SLC25A12: variants seen among roughly 807,000 people sequenced by gnomAD.
The protein encoded by SLC25A12 is electrogenic aspartate/glutamate antiporter SLC25A12, mitochondrial.
A neutral mutation model predicts 83.3 loss-of-function variants in SLC25A12; 32 were observed. That is an observed-to-expected ratio of 0.38 (90% CI 0.29 to 0.52). The LOEUF (loss-of-function observed/expected upper bound fraction) is 0.52, where lower values mean the gene tolerates loss of function less well. Among genes scored for constraint, SLC25A12 ranks in the 20% least tolerant of loss-of-function variants. The probability of loss-of-function intolerance (pLI) is 0.84; values close to 1 mark genes in which losing one functional copy is unlikely to be tolerated. For missense variants in SLC25A12, 611 were observed against 835.6 expected (o/e 0.73, Z 3.31); for synonymous variants, 267 against 291.1 (o/e 0.92, Z 0.84).
At chr2:171,854,063 T>TA (rs1684992818) in intron 4 of SLC25A12, among the ~76,000 whole-genome samples, 1 of 152,222 alleles carries the variant, frequency 6.6e-6, no homozygotes, top group African/African-American at 2.4e-5. Context: ...ATTTGTGAGA[T>TA]ATGTGAGCAT....
rs540936230 is a variant in SLC25A12 at position 171,792,610 on chromosome 2, A to T, written c.1446+1017T>A. Among the ~76,000 whole-genome samples the T allele has an allele frequency of 1.3e-4, 20 of 151,898 alleles. No homozygotes were observed. The South Asian group carries it at 3.7e-3, about 28-fold the overall frequency. The stretch of plus-strand genomic sequence containing the variant: ...CAGTGCTCCCAGCCCTGGCTTTTTT[A>T]AAAAAAGACAAACTCAAACATTGAA... On this transcript the variant is annotated intron_variant, in intron 14 of 17. Transcript: ENST00000422440.
chr2:171,866,406 C>A (rs1336627776), intron 3 of SLC25A12, among the ~76,000 whole-genome samples: 2 of 143,644 alleles, frequency 1.4e-5, no homozygotes, highest in African/African-American at 5.2e-5. Context: ...CCAGTAGGGG[C>A]GGCCGGGCAG....
At chr2:171,803,446 A>T (rs898180304) in intron 13 of SLC25A12, among the ~76,000 whole-genome samples, 6 of 152,236 alleles carry the variant, frequency 3.9e-5, no homozygotes, top group Admixed American at 3.3e-4. Context: ...GTAACCAAAA[A>T]ACAATCCAAT....
intron 3 of SLC25A12, among the ~76,000 whole-genome samples, chr2:171,867,560 G>C (rs1187474990): frequency 6.6e-6 from 1 of 152,184 alleles, no homozygotes; most frequent in Non-Finnish European, 1.5e-5. Context: ...GCAGTGAGCC[G>C]AGATGGCAGC....
chr2:171,868,286 C>T (rs1002250724), intron 3 of SLC25A12, among the ~76,000 whole-genome samples: 5 of 150,314 alleles, frequency 3.3e-5, no homozygotes, highest in Non-Finnish European at 7.4e-5. Flanking sequence ...TCTAGATACC[C>T]GTAGGTAAGT....
At chr2:171,813,272 G>A in intron 11 of SLC25A12, 67 bp downstream of exon 11, 1 of 1,545,434 alleles carries the variant, frequency 6.5e-7, no homozygotes. Context: ...TCCATAATTA[G>A]TGAGTTAAAA....
rs781256888 is a variant in SLC25A12 at position 171,791,496 on chromosome 2, C to A, written c.1540G>T (p.Gly514Ter). 6.2e-7 allele frequency: 1 copy of A among 1,614,000 alleles called. No homozygotes were observed. Among genetic ancestry groups the A allele is most frequent in the Non-Finnish European group, 8.5e-7 (1 of 1,179,934 alleles). Residue 514 changes from glycine (G) to a stop codon, truncating the protein, a stop_gained, in exon 15 of 18, where the codon GGA becomes TGA. Transcript: ENST00000422440. LOFTEE classifies it high-confidence loss of function. ...HCKLLLADEN[G>*]HVGGLNLLAA... ...AGAAGATTTAAACCTCCCACGTGTCCATTTTCATCAGCCAGAAGTAGTTTG... is the reference window on the plus strand; with the variant it reads ...AGAAGATTTAAACCTCCCACGTGTCAATTTTCATCAGCCAGAAGTAGTTTG...
intron 13 of SLC25A12, among the ~76,000 whole-genome samples, chr2:171,796,780 C>T (rs1364501360): frequency 6.6e-6 from 1 of 152,102 alleles, no homozygotes; most frequent in Non-Finnish European, 1.5e-5. Flanking sequence ...TACTTTTGTA[C>T]CAACGTAATA....
At chr2:171,869,286 T>C (rs374947651) in intron 2 of SLC25A12, among the ~76,000 whole-genome samples, 1 of 152,240 alleles carries the variant, frequency 6.6e-6, no homozygotes, top group Non-Finnish European at 1.5e-5. Flanking sequence ...AAATATACTT[T>C]TTTAAAAAAC....
At chr2:171,865,055 GCTTTC>G (rs1347916522) in intron 3 of SLC25A12, among the ~76,000 whole-genome samples, 3 of 152,066 alleles carry the variant, frequency 2.0e-5, no homozygotes, top group Non-Finnish European at 4.4e-5. Flanking sequence ...AGTACTTACA[GCTTTC>G]TAACATACCA....
chr2:171,791,695 G>GGC, intron 14 of SLC25A12, 106 bp from the exon 15 acceptor site: 2 of 1,066,616 alleles, frequency 1.9e-6, no homozygotes, highest in Non-Finnish European at 2.9e-6. Context: ...GTGTCCCTCA[G>GGC]TGACAAGCCT....
Position 171,843,396 on chromosome 2 carries a change from G to T in SLC25A12, c.465+973C>A, listed in dbSNP as rs530625654. Among the ~76,000 whole-genome samples, 4 of 146,450 alleles carry T rather than the reference G, an allele frequency of 2.7e-5. No individual in the cohort carries two copies. In the South Asian group the frequency reaches 8.9e-4, roughly 33 times the overall value. On this transcript the variant is annotated intron_variant, in intron 5 of 17. Coordinates refer to ENST00000422440, the MANE Select transcript of SLC25A12 (RefSeq NM_003705.5). ...CTCCTGTAATCCCAGCACTTTGGGT[G>T]GTCAAGGCAGGCAGATCACTTGAGG...
chr2:171,875,486 G>A (rs1442669785), intron 2 of SLC25A12, among the ~76,000 whole-genome samples: 4 of 152,030 alleles, frequency 2.6e-5, no homozygotes, highest in African/African-American at 4.8e-5. Flanking sequence ...TAGATACTGG[G>A]GACTATTAGA....
At position 171,815,004 on chromosome 2, in the gene SLC25A12, G is replaced by A. The variant is rs1684020672; in HGVS notation, c.1012+117C>T. ...GTAAAAATAAAGAACACTTCAGAAAGCCCTGAAGTCGTGACCCATGGGAAC... is the reference window on the plus strand; with the variant it reads ...GTAAAAATAAAGAACACTTCAGAAAACCCTGAAGTCGTGACCCATGGGAAC... On this transcript the variant is annotated intron_variant, in intron 10 of 17. Transcript: ENST00000422440. 1.8e-5 allele frequency: 14 copies of A among 799,726 alleles called. 1 individual carries two copies. Among genetic ancestry groups the A allele is most frequent in the South Asian group, 1.4e-4 (10 of 72,646 alleles). The allele number at this position is 799,726 out of a possible 1,614,324, so 49.5% of individuals were successfully genotyped here.
At chr2:171,787,544 T>C (rs1426442580) in intron 17 of SLC25A12, 27 bp downstream of exon 17, 2 of 1,538,656 alleles carry the variant, frequency 1.3e-6, no homozygotes, top group Admixed American at 1.7e-5. Context: ...GTGATTTCTT[T>C]GTAAAGGAGT....
rs1421085645 is a variant in SLC25A12, at chr2:171,785,276, A to G, written c.2035T>C (p.Ter679ArgextTer1). The G allele has an allele frequency of 6.2e-7, 1 of 1,614,084 alleles. No individual in the cohort carries two copies. Among genetic ancestry groups the G allele is most frequent in the Admixed American group, 1.7e-5 (1 of 60,022 alleles). The change falls in exon 18 of 18, where the codon TGA becomes CGA. Residue 679 changes from the stop codon to arginine (R), a stop_lost. Transcript: ENST00000422440. ...QPKAAVAATQ[*>R] ...TGCCACACTCAACAGTTGTCTCATC[A>G]CTGAGTGGCTGCCACTGCTGCCTTT...
At chr2:171,812,799 C>CTTTTTTTT (rs5836353) in intron 11 of SLC25A12, among the ~76,000 whole-genome samples, 1 of 143,150 alleles carries the variant, frequency 7.0e-6, no homozygotes, top group Non-Finnish European at 1.5e-5. Context: ...AAGGGTTTTC[C>CTTTTTTTT]TTTTTTTTTT....
chr2:171,831,744 C>A (rs1467815929), intron 8 of SLC25A12, among the ~76,000 whole-genome samples: 9 of 151,978 alleles, frequency 5.9e-5, no homozygotes, highest in Non-Finnish European at 1.3e-4. Context: ...ACTAAAAATA[C>A]AAAAATTAGG....
At chr2:171,830,982 G>C (rs1684418958) in intron 8 of SLC25A12, among the ~76,000 whole-genome samples, 2 of 152,220 alleles carry the variant, frequency 1.3e-5, no homozygotes, top group Non-Finnish European at 2.9e-5. Context: ...AGCTCTGAGG[G>C]GGCAGGAAAC....
Sources: gnomAD v4.1 joint callset for allele counts (sites outside exome capture counted in the v4.1 genomes callset) on GRCh38, gnomAD v4.1.1 for gene constraint, MANE v1.5 for transcripts, NCBI Gene and HGNC (gene_info 2026-07-23, HGNC 2026-07-21) for gene names.